Variants in SGMS1 observed in about 807,000 individuals in gnomAD.
SGMS1 encodes the protein phosphatidylcholine:ceramide cholinephosphotransferase 1.
In SGMS1, 13 loss-of-function variants were observed where a neutral mutation model predicts 46.2. That is an observed-to-expected ratio of 0.28 (90% CI 0.18 to 0.45). The LOEUF (loss-of-function observed/expected upper bound fraction) is 0.45. Ranked by LOEUF, SGMS1 falls within the 20% of genes least tolerant of loss-of-function variation. The probability of loss-of-function intolerance (pLI) is 1.00; values close to 1 mark genes in which losing one functional copy is unlikely to be tolerated. For synonymous variants in SGMS1, 203 were observed against 187.8 expected (o/e 1.08, Z -0.66); for missense variants, 324 against 519.9 (o/e 0.62, Z 3.66).
At chr10:50,452,136 T>TAA (rs1837118104) in intron 5 of SGMS1, among the ~76,000 whole-genome samples, 1 of 152,130 alleles carries the variant, frequency 6.6e-6, no homozygotes, top group South Asian at 2.1e-4. Flanking sequence ...GTACATATAG[T>TAA]AAAATATTAG....
At chr10:50,407,721 T>C (rs1849036702) in intron 6 of SGMS1, among the ~76,000 whole-genome samples, 1 of 152,198 alleles carries the variant, frequency 6.6e-6, no homozygotes, top group Non-Finnish European at 1.5e-5. Flanking sequence ...ATTCACTGTG[T>C]CTACTCTTGA....
At chr10:50,514,690 T>G (rs1837786857) in intron 3 of SGMS1, among the ~76,000 whole-genome samples, 1 of 152,202 alleles carries the variant, frequency 6.6e-6, no homozygotes, top group African/African-American at 2.4e-5. Flanking sequence ...CAATAATTTT[T>G]AAAAGTATAG....
intron 7 of SGMS1, among the ~76,000 whole-genome samples, chr10:50,338,230 T>C (rs543565487): frequency 2.6e-5 from 4 of 152,340 alleles, no homozygotes; most frequent in Admixed American, 2.6e-4. Flanking sequence ...GTTTTACCAC[T>C]AAGCTCTCTC....
rs549392761 is a variant in SGMS1, at chr10:50,614,651, T to C, written c.-684+9056A>G. Reference sequence around the variant, plus strand: ...GTTGTAAGCAGCCTTCGAGTGATTCTGATACACGCTGAAATCTGAGAGCCA... The same window carrying C: ...GTTGTAAGCAGCCTTCGAGTGATTCCGATACACGCTGAAATCTGAGAGCCA... On this transcript the variant is annotated intron_variant, in intron 1 of 10. Transcript: ENST00000361781. Among the ~76,000 whole-genome samples the C allele has an allele frequency of 1.4e-4, 22 of 152,376 alleles. No homozygotes were observed. In the East Asian group the frequency reaches 2.1e-3, roughly 15 times the overall value.
At chr10:50,376,755 C>A (rs968549785) in intron 6 of SGMS1, among the ~76,000 whole-genome samples, 2 of 152,186 alleles carry the variant, frequency 1.3e-5, no homozygotes, top group Admixed American at 6.5e-5. Flanking sequence ...CTACAAAGGA[C>A]ATGAACTCAT....
intron 3 of SGMS1, among the ~76,000 whole-genome samples, chr10:50,491,878 AG>A (rs1837570745): frequency 6.6e-6 from 1 of 152,222 alleles, no homozygotes; most frequent in African/African-American, 2.4e-5. Flanking sequence ...AGAAAACTTC[AG>A]GCCAGTATCC....
intron 5 of SGMS1, among the ~76,000 whole-genome samples, chr10:50,438,207 T>C (rs1476482088): frequency 6.6e-6 from 1 of 152,208 alleles, no homozygotes; most frequent in East Asian, 1.9e-4. Flanking sequence ...CTTGCCTAAT[T>C]CCCTCGCCCT....
chr10:50,373,529 T>A (rs755867040), intron 6 of SGMS1, among the ~76,000 whole-genome samples: 4 of 152,254 alleles, frequency 2.6e-5, no homozygotes, highest in Non-Finnish European at 4.4e-5. Context: ...TTCAAGATTT[T>A]GTCAAATGAT....
chr10:50,330,807 A>G (rs1481274913), intron 7 of SGMS1, among the ~76,000 whole-genome samples: 1 of 152,224 alleles, frequency 6.6e-6, no homozygotes, highest in Non-Finnish European at 1.5e-5. Flanking sequence ...ATGGAAGAGT[A>G]ATGATTCAGG....
At chr10:50,400,823 G>C (rs772480969) in intron 6 of SGMS1, among the ~76,000 whole-genome samples, 1 of 152,096 alleles carries the variant, frequency 6.6e-6, no homozygotes. Context: ...TGAAAGTCTG[G>C]ACAGTTGTCA....
chr10:50,590,466 G>A (rs1838529847), intron 1 of SGMS1, among the ~76,000 whole-genome samples: 1 of 151,984 alleles, frequency 6.6e-6, no homozygotes, highest in South Asian at 2.1e-4. Flanking sequence ...GGAAATTTTG[G>A]AATAAAGGAA....
In SGMS1 at chr10:50,494,439, T is replaced by C. The variant is rs150605288; in HGVS notation, c.-498+25392A>G. 1.6e-3 allele frequency among the ~76,000 whole-genome samples: 237 copies of C among 152,332 alleles called. 6 individuals are homozygous for C. In the East Asian group the frequency reaches 0.042, roughly 27 times the overall value. ...GTGATACATACAACGTTGTATACTA[T>C]GCAGCCATAAAAAAGAACAAGATCA... On this transcript the variant is annotated intron_variant, in intron 3 of 10. Transcript: ENST00000361781.
At chr10:50,489,330 C>T (rs762556101) in intron 3 of SGMS1, among the ~76,000 whole-genome samples, 8 of 152,208 alleles carry the variant, frequency 5.3e-5, no homozygotes, top group Non-Finnish European at 4.4e-5. Flanking sequence ...ACAAATTATC[C>T]GAAACATGTG....
intron 6 of SGMS1, among the ~76,000 whole-genome samples, chr10:50,423,803 A>G (rs1849286141): frequency 6.6e-6 from 1 of 152,246 alleles, no homozygotes; most frequent in Non-Finnish European, 1.5e-5. Context: ...AATGCTGAAT[A>G]ATATTTCTAA....
chr10:50,392,111 T>C (rs1848778060), intron 6 of SGMS1, among the ~76,000 whole-genome samples: 1 of 151,826 alleles, frequency 6.6e-6, no homozygotes. Context: ...GATGAAATGG[T>C]CTGTACGCCA....
intron 2 of SGMS1, among the ~76,000 whole-genome samples, chr10:50,579,725 G>A (rs1283512913): frequency 6.6e-6 from 1 of 152,128 alleles, no homozygotes; most frequent in African/African-American, 2.4e-5. Context: ...AATTTTCTAG[G>A]ACACTTCCAG....
rs1171593074 is a variant in SGMS1 at position 50,484,343 on chromosome 10, C to T, written c.-497-17411G>A. Among the ~76,000 whole-genome samples, 3 of 152,084 alleles carry T rather than the reference C, an allele frequency of 2.0e-5. No individual in the cohort carries two copies. The East Asian group carries it at 5.8e-4, about 29-fold the overall frequency. Reference sequence around the variant, plus strand: ...ACATATACACCCTCCCAAGACTAAACCAGAAAGAAATTGACTCCCTTAATA... The same window carrying T: ...ACATATACACCCTCCCAAGACTAAATCAGAAAGAAATTGACTCCCTTAATA... On this transcript the variant is annotated intron_variant, in intron 3 of 10. Transcript: ENST00000361781.
chr10:50,383,696 T>C (rs1848641377), intron 6 of SGMS1, among the ~76,000 whole-genome samples: 1 of 152,186 alleles, frequency 6.6e-6, no homozygotes, highest in Admixed American at 6.5e-5. Flanking sequence ...TAATTCTCTA[T>C]AAATATTGCT....
At chr10:50,598,863 T>G (rs1487423297) in intron 1 of SGMS1, among the ~76,000 whole-genome samples, 1 of 152,012 alleles carries the variant, frequency 6.6e-6, no homozygotes, top group Non-Finnish European at 1.5e-5. Context: ...CAAAAGCTAT[T>G]GAGTCTAGGA....
Sources: gnomAD v4.1 joint callset for allele counts (sites outside exome capture counted in the v4.1 genomes callset) on GRCh38, gnomAD v4.1.1 for gene constraint, MANE v1.5 for transcripts, NCBI Gene and HGNC (gene_info 2026-07-23, HGNC 2026-07-21) for gene names.